NLGN1: variants seen among roughly 807,000 people sequenced by gnomAD.
NLGN1 encodes the protein neuroligin-1.
A neutral mutation model predicts 65.5 loss-of-function variants in NLGN1; 12 were observed. The observed-to-expected ratio is 0.18, with a 90% confidence interval of 0.12 to 0.30. The LOEUF is 0.30. Among genes scored for constraint, NLGN1 ranks in the 10% least tolerant of loss-of-function variants. The pLI is 1.00. For synonymous variants in NLGN1, 350 were observed against 359.5 expected (o/e 0.97, Z 0.30); for missense variants, 750 against 1,007.1 (o/e 0.74, Z 3.46).
chr3:173,720,351 C>T (rs932261766), intron 3 of NLGN1, among the ~76,000 whole-genome samples: 4 of 151,938 alleles, frequency 2.6e-5, no homozygotes, highest in African/African-American at 9.7e-5. Flanking sequence ...TTCATTTTTC[C>T]CTTATTCAAG....
chr3:173,836,953 G>A (rs1326722423), intron 4 of NLGN1, among the ~76,000 whole-genome samples: 1 of 152,088 alleles, frequency 6.6e-6, no homozygotes, highest in Non-Finnish European at 1.5e-5. Flanking sequence ...CTAAAGGCTT[G>A]ATATTGATCT....
At chr3:173,505,988 C>T (rs918577367) in intron 2 of NLGN1, among the ~76,000 whole-genome samples, 2 of 152,004 alleles carry the variant, frequency 1.3e-5, no homozygotes, top group East Asian at 1.9e-4. Flanking sequence ...GCTAATACCA[C>T]GTATTTCTAA....
chr3:173,957,714 A>G (rs924459985), intron 4 of NLGN1, among the ~76,000 whole-genome samples: 1 of 152,064 alleles, frequency 6.6e-6, no homozygotes. Flanking sequence ...GCTCCCTCCT[A>G]TGGTCCTGAA....
chr3:174,166,438 A>G (rs1053332662), intron 4 of NLGN1, among the ~76,000 whole-genome samples: 2 of 151,916 alleles, frequency 1.3e-5, no homozygotes, highest in Non-Finnish European at 2.9e-5. Context: ...CTTTAATTTC[A>G]TCGTTTACCC....
At chr3:174,116,213 G>C (rs1716383268) in intron 4 of NLGN1, among the ~76,000 whole-genome samples, 1 of 150,900 alleles carries the variant, frequency 6.6e-6, no homozygotes, top group African/African-American at 2.4e-5. Flanking sequence ...TCTCATTGCT[G>C]TACACCACCA....
At chr3:173,410,993 G>C (rs1712424022) in intron 1 of NLGN1, among the ~76,000 whole-genome samples, 1 of 152,220 alleles carries the variant, frequency 6.6e-6, no homozygotes, top group Admixed American at 6.5e-5. Context: ...TTGACTCAGA[G>C]CCATTGTTCT....
chr3:174,210,512 A>G (rs1307690387), intron 4 of NLGN1, among the ~76,000 whole-genome samples: 1 of 152,230 alleles, frequency 6.6e-6, no homozygotes, highest in African/African-American at 2.4e-5. Context: ...CCTATTGTCC[A>G]CGATGACTAG....
At chr3:173,668,280 G>T (rs1011055331) in intron 3 of NLGN1, among the ~76,000 whole-genome samples, 1 of 152,150 alleles carries the variant, frequency 6.6e-6, no homozygotes, top group African/African-American at 2.4e-5. Context: ...GTTTAGTTGG[G>T]TTTTTAAGGC....
At position 174,161,846 on chromosome 3, in the gene NLGN1, G is replaced by A. The variant is rs575675560; in HGVS notation, c.647-113469G>A. ...GTAACTTTCTCAAGTTTTAAGACTG[G>A]GAGGATCAATTTCTATATGTATTGA... On this transcript the variant is annotated intron_variant, in intron 4 of 6. Coordinates refer to ENST00000457714, the Ensembl canonical transcript of NLGN1. Among the ~76,000 whole-genome samples the A allele has an allele frequency of 3.3e-5, 5 of 151,840 alleles. No individual in the cohort carries two copies. The East Asian group carries it at 9.7e-4, about 29-fold the overall frequency.
intron 4 of NLGN1, among the ~76,000 whole-genome samples, chr3:173,922,761 G>A (rs188499913): frequency 6.6e-6 from 1 of 152,202 alleles, no homozygotes; most frequent in East Asian, 1.9e-4. Flanking sequence ...TCTCTGGAAA[G>A]CAATTTCCCC....
intron 4 of NLGN1, among the ~76,000 whole-genome samples, chr3:174,098,644 G>A (rs1711653843): frequency 6.6e-6 from 1 of 152,148 alleles, no homozygotes; most frequent in Non-Finnish European, 1.5e-5. Flanking sequence ...GAAATCACCT[G>A]ATGGTCTTGT....
chr3:173,841,977 A>T (rs1391953914), intron 4 of NLGN1, among the ~76,000 whole-genome samples: 2 of 152,164 alleles, frequency 1.3e-5, no homozygotes, highest in Non-Finnish European at 2.9e-5. Flanking sequence ...CTGCTGATAA[A>T]TACATACCCA....
chr3:173,773,823 A>G (rs1779923649), intron 3 of NLGN1, among the ~76,000 whole-genome samples: 1 of 152,138 alleles, frequency 6.6e-6, no homozygotes, highest in Non-Finnish European at 1.5e-5. Context: ...TAAACAAAAC[A>G]TGGTAATGTG....
chr3:173,807,976 T>C (rs1717028185), intron 4 of NLGN1, 144 bp downstream of exon 4: 4 of 727,840 alleles, frequency 5.5e-6, no homozygotes, highest in Admixed American at 2.8e-5. Context: ...TTTTATAGTT[T>C]CAATGAATTC....
At chr3:173,680,291 A>G (rs117855865) in intron 3 of NLGN1, among the ~76,000 whole-genome samples, 2 of 152,160 alleles carry the variant, frequency 1.3e-5, no homozygotes, top group East Asian at 1.9e-4. Flanking sequence ...TCACTTACTT[A>G]TTTTTCTTGA....
At chr3:173,748,682 G>T (rs1019693287) in intron 3 of NLGN1, among the ~76,000 whole-genome samples, 1 of 152,056 alleles carries the variant, frequency 6.6e-6, no homozygotes, top group African/African-American at 2.4e-5. Flanking sequence ...ACTGAAAACT[G>T]CTTGTCTTTG....
At chr3:173,598,535 C>T (rs1201739509) in intron 2 of NLGN1, among the ~76,000 whole-genome samples, 1 of 152,068 alleles carries the variant, frequency 6.6e-6, no homozygotes, top group Non-Finnish European at 1.5e-5. Context: ...TTTCCTTCTG[C>T]TAGGAACGTG....
At chr3:174,024,302 T>A (rs955135270) in intron 4 of NLGN1, among the ~76,000 whole-genome samples, 2 of 152,114 alleles carry the variant, frequency 1.3e-5, no homozygotes, top group African/African-American at 2.4e-5. Context: ...AGATGATGAT[T>A]GTCAAGAAAA....
chr3:173,977,045 A>G (rs1156669122), intron 4 of NLGN1, among the ~76,000 whole-genome samples: 1 of 152,014 alleles, frequency 6.6e-6, no homozygotes, highest in Non-Finnish European at 1.5e-5. Flanking sequence ...GTGAGCAAAT[A>G]GTCAAAGTAC....
Sources: allele counts gnomAD v4.1 joint callset (sites outside exome capture counted in the v4.1 genomes callset), GRCh38; gene constraint gnomAD v4.1.1; transcripts MANE v1.5; gene names NCBI Gene and HGNC (gene_info 2026-07-23, HGNC 2026-07-21).